PEMT: variants seen among roughly 807,000 people sequenced by gnomAD.
The protein encoded by PEMT is phosphatidylethanolamine N-methyltransferase, also known as phospholipid methyltransferase.
In PEMT, 23 loss-of-function variants were observed where a neutral mutation model predicts 27.4. The observed-to-expected ratio is 0.84, with a 90% confidence interval of 0.60 to 1.19. The LOEUF (loss-of-function observed/expected upper bound fraction) is 1.19. Ranked by LOEUF, PEMT falls within the 50% of genes most tolerant of loss-of-function variation. The pLI is 0.00. For missense variants in PEMT, 307 were observed against 310.1 expected (o/e 0.99, Z 0.07); for synonymous variants, 137 against 139.1 (o/e 0.98, Z 0.11).
At chr17:17,549,076 A>C (rs1909464298) in intron 2 of PEMT, among the ~76,000 whole-genome samples, 1 of 152,080 alleles carries the variant, frequency 6.6e-6, no homozygotes, top group Admixed American at 6.5e-5. Flanking sequence ...GCACAATCAC[A>C]GCTCACTGCA....
chr17:17,551,122 G>A (rs540064699), intron 2 of PEMT, among the ~76,000 whole-genome samples: 28 of 152,238 alleles, frequency 1.8e-4, no homozygotes, highest in Non-Finnish European at 2.8e-4. Flanking sequence ...GCTAATAAAC[G>A]TTAATTACTG....
intron 2 of PEMT, among the ~76,000 whole-genome samples, chr17:17,572,379 C>T (rs780713665): frequency 3.3e-5 from 5 of 152,246 alleles, no homozygotes; most frequent in Admixed American, 1.3e-4. Flanking sequence ...CCTGCACCAC[C>T]GTCCCCAGCC....
intron 2 of PEMT, among the ~76,000 whole-genome samples, chr17:17,532,012 C>G (rs750491267): frequency 1.2e-4 from 19 of 152,134 alleles, no homozygotes; most frequent in Non-Finnish European, 1.9e-4. Context: ...ATATACAGAA[C>G]TCTTAGAACT....
At chr17:17,542,372 C>T (rs1393396614) in intron 2 of PEMT, among the ~76,000 whole-genome samples, 6 of 152,224 alleles carry the variant, frequency 3.9e-5, no homozygotes, top group Non-Finnish European at 5.9e-5. Context: ...CAGGGGCCTA[C>T]GTGGCCTCTG....
At chr17:17,508,916 G>A (rs546285416) in intron 5 of PEMT, 51 of 332,514 alleles carry the variant, frequency 1.5e-4, no homozygotes, top group South Asian at 9.7e-4. Context: ...CCCCTCCTGC[G>A]GGGAAGATGG....
chr17:17,552,345 T>C (rs1419722622), intron 2 of PEMT, among the ~76,000 whole-genome samples: 1 of 152,050 alleles, frequency 6.6e-6, no homozygotes, highest in Admixed American at 6.5e-5. Context: ...TACTGGAGAA[T>C]TCTCTGATGC....
At chr17:17,577,306 A>C (rs974780486) in intron 1 of PEMT, 1 of 468,662 alleles carries the variant, frequency 2.1e-6, no homozygotes, top group Non-Finnish European at 3.8e-6. Context: ...CCCTGAAGGG[A>C]GGTGACACCA....
At chr17:17,505,927 C>A (rs1397507344) in intron 6 of PEMT, 79 bp from the exon 7 acceptor site, 14 of 1,505,004 alleles carry the variant, frequency 9.3e-6, no homozygotes, top group Non-Finnish European at 1.2e-5. Flanking sequence ...CTGCGTCCAT[C>A]AGCTTGAGGG....
intron 2 of PEMT, among the ~76,000 whole-genome samples, chr17:17,565,589 G>C (rs1284384086): frequency 2.0e-5 from 3 of 152,244 alleles, no homozygotes; most frequent in Non-Finnish European, 4.4e-5. Context: ...GCTGCCTCTA[G>C]GGCAACTGAT....
At chr17:17,548,533 C>T (rs890319103) in intron 2 of PEMT, among the ~76,000 whole-genome samples, 4 of 152,160 alleles carry the variant, frequency 2.6e-5, no homozygotes, top group African/African-American at 4.8e-5. Flanking sequence ...GAGTCTGTGA[C>T]GGCTTCACGG....
At chr17:17,542,457 G>A (rs1027697471) in intron 2 of PEMT, among the ~76,000 whole-genome samples, 2 of 152,108 alleles carry the variant, frequency 1.3e-5, no homozygotes, top group Non-Finnish European at 2.9e-5. Flanking sequence ...AGCTCACCAC[G>A]GGCTCCTGGG....
chr17:17,574,528 C>T (rs1160015768), intron 2 of PEMT, among the ~76,000 whole-genome samples: 1 of 152,062 alleles, frequency 6.6e-6, no homozygotes, highest in African/African-American at 2.4e-5. Flanking sequence ...ACTATGTTGG[C>T]CAGGCTGGTC....
intron 2 of PEMT, among the ~76,000 whole-genome samples, chr17:17,533,357 G>T (rs553427954): frequency 6.6e-6 from 1 of 152,282 alleles, no homozygotes; most frequent in South Asian, 2.1e-4. Flanking sequence ...AGACCTAAAT[G>T]TAAGAGCTAA....
intron 2 of PEMT, among the ~76,000 whole-genome samples, chr17:17,527,114 C>T (rs1324212447): frequency 1.3e-5 from 2 of 152,196 alleles, no homozygotes; most frequent in East Asian, 3.8e-4. Flanking sequence ...CTCGGCTCAC[C>T]ACAACCTCCG....
At chr17:17,539,173 G>T (rs1201321213) in intron 2 of PEMT, among the ~76,000 whole-genome samples, 1 of 152,122 alleles carries the variant, frequency 6.6e-6, no homozygotes, top group Non-Finnish European at 1.5e-5. Flanking sequence ...TAAAGATGGG[G>T]TCTCGCTATG....
intron 2 of PEMT, among the ~76,000 whole-genome samples, chr17:17,540,587 C>T (rs1017767821): frequency 6.6e-6 from 1 of 152,220 alleles, no homozygotes; most frequent in African/African-American, 2.4e-5. Flanking sequence ...CTTGAGGACA[C>T]TGTCAGAAGG....
chr17:17,527,181 G>A lies in PEMT; in HGVS notation c.205-4786C>T, dbSNP rs369774623. ...GCCTCCCGAGTAGCTGGGATTACAC[G>A]CATGCGCCACCATGCCCGGCTAATT... On this transcript the variant is annotated intron_variant, in intron 2 of 6. Coordinates refer to ENST00000255389, the MANE Select transcript of PEMT (RefSeq NM_148172.3). Among the ~76,000 whole-genome samples, 8 of 152,270 alleles carry A rather than the reference G, an allele frequency of 5.3e-5. No individual in the cohort carries two copies. In the East Asian group the frequency reaches 1.4e-3, roughly 26 times the overall value.
At chr17:17,560,304 T>TG (rs1170720281) in intron 2 of PEMT, among the ~76,000 whole-genome samples, 2 of 152,010 alleles carry the variant, frequency 1.3e-5, no homozygotes, top group Non-Finnish European at 2.9e-5. Context: ...GCTGCCCGCC[T>TG]GGGAGGCAGG....
At chr17:17,571,979 C>T (rs1039240330) in intron 2 of PEMT, among the ~76,000 whole-genome samples, 15 of 152,352 alleles carry the variant, frequency 9.8e-5, no homozygotes, top group Admixed American at 4.6e-4. Context: ...GGATTATAGG[C>T]GTGAGCCACC....
Sources: allele counts gnomAD v4.1 joint callset (sites outside exome capture counted in the v4.1 genomes callset), GRCh38; gene constraint gnomAD v4.1.1; transcripts MANE v1.5; gene names NCBI Gene and HGNC (gene_info 2026-07-23, HGNC 2026-07-21).